The following SLIT3 variants were observed in gnomAD, a reference collection of about 807,000 sequenced individuals.
SLIT3 encodes slit homolog 3 protein.
SLIT3 carries 68 observed loss-of-function variants against 184.0 expected under a neutral mutation model. The ratio of observed to expected loss-of-function variants is 0.37; its 90% CI spans 0.30 to 0.45. SLIT3 has a LOEUF of 0.45. Ranked by LOEUF, SLIT3 falls within the 20% of genes least tolerant of loss-of-function variation. SLIT3 has a pLI of 1.00. For synonymous variants in SLIT3, 831 were observed against 828.6 expected (o/e 1.00, Z -0.05); for missense variants, 1,707 against 2,026.0 (o/e 0.84, Z 3.02).
intron 16 of SLIT3, among the ~76,000 whole-genome samples, chr5:168,759,986 TGAG>T (rs981313833): frequency 1.3e-5 from 2 of 152,094 alleles, no homozygotes; most frequent in Non-Finnish European, 2.9e-5. Flanking sequence ...GCACGGAAGA[TGAG>T]GAGAAGCAAG....
At chr5:168,746,426 T>C (rs1189293581) in intron 20 of SLIT3, among the ~76,000 whole-genome samples, 12 of 75,484 alleles carry the variant, frequency 1.6e-4, no homozygotes, top group Admixed American at 1.5e-4. Flanking sequence ...GTGAGTGTGG[T>C]GGTGTGTGGT....
intron 4 of SLIT3, among the ~76,000 whole-genome samples, chr5:168,989,970 G>A (rs1215129491): frequency 1.3e-5 from 2 of 152,180 alleles, no homozygotes; most frequent in African/African-American, 4.8e-5. Flanking sequence ...GAGTAAACAA[G>A]AAAGTCCAGG....
At chr5:168,971,010 A>G (rs1245117511) in intron 4 of SLIT3, among the ~76,000 whole-genome samples, 2 of 152,178 alleles carry the variant, frequency 1.3e-5, no homozygotes, top group Non-Finnish European at 2.9e-5. Context: ...CTGCCCAACA[A>G]TTCATTCCTA....
chr5:168,954,907 C>G (rs1171496447), intron 4 of SLIT3, among the ~76,000 whole-genome samples: 4 of 152,204 alleles, frequency 2.6e-5, no homozygotes, highest in Non-Finnish European at 5.9e-5. Flanking sequence ...ATGGTGAAAA[C>G]TTTAAGAAAC....
chr5:169,002,575 A>G (rs1755757915), intron 4 of SLIT3, among the ~76,000 whole-genome samples: 1 of 152,120 alleles, frequency 6.6e-6, no homozygotes, highest in African/African-American at 2.4e-5. Context: ...AGAGCAGGAA[A>G]GTCACGTGGA....
intron 1 of SLIT3, among the ~76,000 whole-genome samples, chr5:169,277,474 G>A (rs573041948): frequency 1.6e-4 from 24 of 152,302 alleles, no homozygotes; most frequent in African/African-American, 4.8e-4. Context: ...CTGGGTTCAA[G>A]CGATCTGCCT....
intron 4 of SLIT3, among the ~76,000 whole-genome samples, chr5:169,140,211 T>A (rs1761671938): frequency 6.8e-6 from 1 of 147,002 alleles, no homozygotes; most frequent in African/African-American, 2.5e-5. Context: ...ACGCCTGTAA[T>A]CCCAGCACTT....
At chr5:168,907,979 T>TATATATATATAGAG (rs376418381) in intron 4 of SLIT3, among the ~76,000 whole-genome samples, 7 of 50,086 alleles carry the variant, frequency 1.4e-4, no homozygotes, top group Non-Finnish European at 2.3e-4. Context: ...TATATATATA[T>TATATATATATAGAG]AGAGAGAGAG....
At chr5:168,716,971 C>A (rs1205529351) in intron 23 of SLIT3, among the ~76,000 whole-genome samples, 4 of 140,084 alleles carry the variant, frequency 2.9e-5, no homozygotes, top group Non-Finnish European at 6.1e-5. Context: ...ACATTGCAGC[C>A]ACACCTGTAG....
chr5:169,036,796 G>A (rs541983212), intron 4 of SLIT3, among the ~76,000 whole-genome samples: 5 of 152,282 alleles, frequency 3.3e-5, no homozygotes, highest in Non-Finnish European at 7.4e-5. Flanking sequence ...CAAAATGAAT[G>A]CAGCTTATTG....
chr5:168,971,102 AT>A (rs746024869), intron 4 of SLIT3, among the ~76,000 whole-genome samples: 4 of 152,210 alleles, frequency 2.6e-5, no homozygotes, highest in Non-Finnish European at 5.9e-5. Flanking sequence ...TGTGGAGTGT[AT>A]GTGTGTGGAG....
chr5:168,939,833 T>C (rs1240591809), intron 4 of SLIT3, among the ~76,000 whole-genome samples: 1 of 152,236 alleles, frequency 6.6e-6, no homozygotes. Flanking sequence ...TATCATGTTA[T>C]TGAACACTTT....
intron 4 of SLIT3, among the ~76,000 whole-genome samples, chr5:168,913,083 G>T (rs1423466055): frequency 6.6e-6 from 1 of 152,154 alleles, no homozygotes; most frequent in East Asian, 1.9e-4. Flanking sequence ...TCCAAAACTT[G>T]ACTGCAAGCT....
At chr5:168,891,684 AC>A (rs1306512933) in intron 4 of SLIT3, among the ~76,000 whole-genome samples, 1 of 152,178 alleles carries the variant, frequency 6.6e-6, no homozygotes, top group Non-Finnish European at 1.5e-5. Flanking sequence ...GAGCATTCTG[AC>A]CAAAGGGAAA....
In SLIT3 at chr5:168,749,511, G is replaced by T. The variant is rs1429031142; in HGVS notation, c.2098C>A (p.Pro700Thr). 1 of 1,614,146 alleles carries T rather than the reference G, an allele frequency of 6.2e-7. No homozygotes were observed. Among genetic ancestry groups the T allele is most frequent in the Non-Finnish European group, 8.5e-7 (1 of 1,180,004 alleles). Residue 700 changes from proline to threonine, a missense_variant, in exon 19 of 36, where the codon CCC becomes ACC. Physicochemically the swap from Pro to Thr is conservative, Grantham distance 38. This residue lies in a region of SLIT3 where 1,307 missense variants were observed against 1,511.6 expected (regional missense o/e 0.86). Transcript: ENST00000519560. ...TCCTGGATGGCCACATCCTGGATGG[G>T]AATCTCCTTGAGGAAAAATGGCTTC... ...CQKPFFLKEI[P>T]IQDVAIQDFT...
At chr5:169,246,272 A>C (rs1025115729) in intron 2 of SLIT3, among the ~76,000 whole-genome samples, 13 of 152,058 alleles carry the variant, frequency 8.5e-5, no homozygotes, top group African/African-American at 3.1e-4. Flanking sequence ...TGCTTCTCAC[A>C]TTTCTATTAC....
At chr5:168,859,802 T>G (rs888838343) in intron 5 of SLIT3, among the ~76,000 whole-genome samples, 1 of 152,118 alleles carries the variant, frequency 6.6e-6, no homozygotes, top group East Asian at 1.9e-4. Flanking sequence ...TTTGTTTTAT[T>G]TGGGAGTGGG....
chr5:169,226,344 T>C (rs1384368663), intron 3 of SLIT3, among the ~76,000 whole-genome samples: 1 of 152,052 alleles, frequency 6.6e-6, no homozygotes, highest in African/African-American at 2.4e-5. Flanking sequence ...GCCCCTTTTC[T>C]TCCCCTGACC....
rs1760911237 is a variant in SLIT3 at position 168,662,770 on chromosome 5, C to T, written c.*3684G>A. ...TGAATCCTGCTCAGGGGGGACACAG[C>T]TTGAGCGGCCTCTTCTGCCCACGTA... is the stretch of plus-strand genomic sequence containing the variant. On this transcript the variant is annotated 3_prime_UTR_variant, in exon 36 of 36. Coordinates refer to ENST00000519560, the MANE Select transcript of SLIT3 (RefSeq NM_003062.4). 6.6e-6 allele frequency: 1 copy of T among 152,220 alleles called. No homozygotes were observed. The highest frequency in any genetic ancestry group is 1.5e-5 in the Non-Finnish European group (1 of 68,046). 9.4% of individuals were successfully genotyped at this position (152,220 alleles called of 1,614,324 possible).
Sources: allele counts gnomAD v4.1 joint callset (sites outside exome capture counted in the v4.1 genomes callset), GRCh38; gene constraint gnomAD v4.1.1; regional missense constraint gnomAD v4.1.1; transcripts MANE v1.5; gene names NCBI Gene and HGNC (gene_info 2026-07-23, HGNC 2026-07-21).